The following DDHD1 variants were observed in gnomAD, a reference collection of about 807,000 sequenced individuals.
The protein encoded by DDHD1 is phospholipase DDHD1.
A neutral mutation model predicts 96.4 loss-of-function variants in DDHD1; 49 were observed. That is an observed-to-expected ratio of 0.51 (90% CI 0.40 to 0.64). The LOEUF is 0.64. Ranked by LOEUF, DDHD1 falls within the 30% of genes least tolerant of loss-of-function variation. The pLI is 0.00. For missense variants in DDHD1, 1,106 were observed against 1,161.2 expected (o/e 0.95, Z 0.69); for synonymous variants, 442 against 446.5 (o/e 0.99, Z 0.13).
rs768557553 is a variant in DDHD1 at position 53,063,082 on chromosome 14, T to C, written c.1627A>G (p.Thr543Ala). 1 of 1,614,148 alleles carries C rather than the reference T, an allele frequency of 6.2e-7. No homozygotes were observed. Among genetic ancestry groups the C allele is most frequent in the Non-Finnish European group, 8.5e-7 (1 of 1,180,006 alleles). Reference sequence around the variant, plus strand: ...TTCCAGCCAGTCATTATGTCATAAGTAATTACACATCCCAAGGAATGTGAT... The same window carrying C: ...TTCCAGCCAGTCATTATGTCATAAGCAATTACACATCCCAAGGAATGTGAT... ...IVSHSLGCVITYDIMTGWNPV... is the reference protein window; with the variant it reads ...IVSHSLGCVIAYDIMTGWNPV... The change falls in exon 7 of 13, where the codon ACT becomes GCT. Residue 543 changes from threonine to alanine, a missense_variant. Physicochemically the swap from Thr to Ala is moderately conservative, Grantham distance 58. Coordinates refer to ENST00000673822, the MANE Select transcript of DDHD1 (RefSeq NM_001160148.2).
chr14:53,088,150 T>C (rs918232839), intron 4 of DDHD1, among the ~76,000 whole-genome samples: 1 of 152,000 alleles, frequency 6.6e-6, no homozygotes, highest in Admixed American at 6.6e-5. Context: ...AGACCAATAA[T>C]AGGCTCTGAA....
chr14:53,108,762 C>A (rs1447923448), intron 1 of DDHD1, among the ~76,000 whole-genome samples: 1 of 152,172 alleles, frequency 6.6e-6, no homozygotes, highest in African/African-American at 2.4e-5. Context: ...TTTTGTTGCA[C>A]TTCTTCCTTT....
chr14:53,068,672 T>C (rs1884254616), intron 6 of DDHD1, among the ~76,000 whole-genome samples: 1 of 152,256 alleles, frequency 6.6e-6, no homozygotes, highest in Non-Finnish European at 1.5e-5. Flanking sequence ...TTCTCCTGTG[T>C]GTGTCACATC....
At chr14:53,056,011 C>A in intron 9 of DDHD1, 99 bp from the exon 10 acceptor site, 1 of 985,480 alleles carries the variant, frequency 1.0e-6, no homozygotes, top group East Asian at 2.5e-5. Flanking sequence ...AAGTAAACCT[C>A]CGAGAAGGAA....
chr14:53,117,503 G>T (rs1010947442), intron 1 of DDHD1, among the ~76,000 whole-genome samples: 30 of 152,190 alleles, frequency 2.0e-4, no homozygotes, highest in African/African-American at 7.0e-4. Context: ...TCCTGTCACT[G>T]GTTTGGCAGG....
intron 7 of DDHD1, 77 bp from the exon 8 acceptor site, chr14:53,061,278 A>C: frequency 7.6e-7 from 1 of 1,319,916 alleles, no homozygotes; most frequent in Non-Finnish European, 1.0e-6. Flanking sequence ...AGCTTACTAA[A>C]GTATAAAGAC....
chr14:53,095,195 G>A (rs2139687812), intron 2 of DDHD1, among the ~76,000 whole-genome samples: 1 of 152,258 alleles, frequency 6.6e-6, no homozygotes, highest in South Asian at 2.1e-4. Context: ...CCCATCTTCA[G>A]AAAGCTAAGT....
In DDHD1 at chr14:53,043,135, T is replaced by C. The variant is rs941344289; in HGVS notation, c.*3633A>G. ...ATTTCTTTTCCTTTTGTCTACTGTCTAGGTGATGCAAAGCTGGAATATGGT... is the reference window on the plus strand; with the variant it reads ...ATTTCTTTTCCTTTTGTCTACTGTCCAGGTGATGCAAAGCTGGAATATGGT... On this transcript the variant is annotated 3_prime_UTR_variant, in exon 13 of 13. Coordinates refer to ENST00000673822, the MANE Select transcript of DDHD1 (RefSeq NM_001160148.2). 2.0e-5 allele frequency: 3 copies of C among 152,176 alleles called. No individual in the cohort carries two copies. Among genetic ancestry groups the C allele is most frequent in the African/African-American group, 4.8e-5 (2 of 41,432 alleles). 9.4% of individuals were successfully genotyped at this position (152,176 alleles called of 1,614,324 possible).
At chr14:53,075,988 G>A (rs1256149865) in intron 4 of DDHD1, among the ~76,000 whole-genome samples, 1 of 152,102 alleles carries the variant, frequency 6.6e-6, no homozygotes, top group African/African-American at 2.4e-5. Context: ...CAATGTACCT[G>A]GTCACTCAAG....
At chr14:53,060,010 T>A (rs796592173) in intron 8 of DDHD1, among the ~76,000 whole-genome samples, 5 of 142,502 alleles carry the variant, frequency 3.5e-5, no homozygotes, top group East Asian at 3.9e-4. Context: ...TGGTATATAT[T>A]TTTTTTAAAA....
intron 1 of DDHD1, among the ~76,000 whole-genome samples, chr14:53,129,722 G>A (rs1889722845): frequency 6.6e-6 from 1 of 151,972 alleles, no homozygotes; most frequent in Non-Finnish European, 1.5e-5. Flanking sequence ...TTCTCCCTTA[G>A]CCTGTGCAAG....
rs531361585 is a variant in DDHD1 at position 53,097,074 on chromosome 14, C to T, written c.1013-3630G>A. ...TTTAAAAGTTCACTTGAACTTGAAC[C>T]TTACAAATTAGTTTCTCACCAGTTA... On this transcript the variant is annotated intron_variant, in intron 2 of 12. Transcript: ENST00000673822. Among the ~76,000 whole-genome samples, 4 of 151,914 alleles carry T rather than the reference C, an allele frequency of 2.6e-5. No individual in the cohort carries two copies. In the East Asian group the frequency reaches 5.8e-4, roughly 22 times the overall value.
chr14:53,132,306 G>A (rs11157951), intron 1 of DDHD1, among the ~76,000 whole-genome samples: 112,420 of 152,042 alleles, frequency 0.74, 44,030 homozygotes, highest in East Asian at 0.96. Context: ...TGGCCCCCAC[G>A]TTATTCCTGA....
In DDHD1 at chr14:53,061,929, G is replaced by A. The variant is rs192623619; in HGVS notation, c.1767-728C>T. On this transcript the variant is annotated intron_variant, in intron 7 of 12. Coordinates refer to ENST00000673822, the MANE Select transcript of DDHD1 (RefSeq NM_001160148.2). ...GTTGCCTGTAATCCCAGCTACTGGG[G>A]AGACAGGGGCAGGAGAATCACTTGA... Among the ~76,000 whole-genome samples, 310 of 150,816 alleles carry A rather than the reference G, an allele frequency of 2.1e-3. 1 individual carries two copies. The highest frequency in any genetic ancestry group is 7.1e-3 in the African/African-American group (292 of 40,994).
At chr14:53,134,366 G>A (rs1040677112) in intron 1 of DDHD1, among the ~76,000 whole-genome samples, 2 of 151,986 alleles carry the variant, frequency 1.3e-5, no homozygotes, top group Admixed American at 6.6e-5. Context: ...TTTGCTGACA[G>A]GGCACACTCC....
intron 9 of DDHD1, 123 bp downstream of exon 9, chr14:53,058,354 A>C (rs1215050434): frequency 9.2e-7 from 1 of 1,083,490 alleles, no homozygotes; most frequent in Non-Finnish European, 1.3e-6. Flanking sequence ...ACCTCAGATG[A>C]TGCGCCCGCC....
Position 53,135,832 on chromosome 14 carries a change from A to AT in DDHD1, c.838+16428dup, listed in dbSNP as rs1173634074. Among the ~76,000 whole-genome samples, 9 of 152,298 alleles carry AT rather than the reference A, an allele frequency of 5.9e-5. No individual in the cohort carries two copies. In the East Asian group the frequency reaches 1.3e-3, roughly 23 times the overall value. On this transcript the variant is annotated intron_variant, in intron 1 of 12. Coordinates refer to ENST00000673822, the MANE Select transcript of DDHD1 (RefSeq NM_001160148.2). ...ATCAGACAAAATATATGTAACAATG[A>AT]TTTTCAGATATTGTACAAAAGACAG...
Position 53,117,945 on chromosome 14 carries a change from C to T in DDHD1, c.839-14089G>A, listed in dbSNP as rs1457330321. ...CAAACAGGCGGGTGCCCCTCTGGGACGAAGCTTCCAGAGGAAGGATCAAGC... is the reference window on the plus strand; with the variant it reads ...CAAACAGGCGGGTGCCCCTCTGGGATGAAGCTTCCAGAGGAAGGATCAAGC... On this transcript the variant is annotated intron_variant, in intron 1 of 12. Transcript: ENST00000673822. Among the ~76,000 whole-genome samples the T allele has an allele frequency of 7.2e-5, 11 of 152,240 alleles. No homozygotes were observed. The East Asian group carries it at 7.7e-4, about 11-fold the overall frequency.
At chr14:53,110,773 C>G (rs758583455) in intron 1 of DDHD1, among the ~76,000 whole-genome samples, 1 of 151,972 alleles carries the variant, frequency 6.6e-6, no homozygotes, top group Non-Finnish European at 1.5e-5. Flanking sequence ...GTCACGAGTT[C>G]GAGACTAGCC....
Sources: gnomAD v4.1 joint callset for allele counts (sites outside exome capture counted in the v4.1 genomes callset) on GRCh38, gnomAD v4.1.1 for gene constraint, MANE v1.5 for transcripts, NCBI Gene and HGNC (gene_info 2026-07-23, HGNC 2026-07-21) for gene names.